SCN8A: variants seen among roughly 807,000 people sequenced by gnomAD.
SCN8A encodes the protein sodium channel protein type 8 subunit alpha.
Under a neutral mutation model 184.1 loss-of-function variants are expected in SCN8A, and 30 were observed. That is an observed-to-expected ratio of 0.16 (90% CI 0.12 to 0.22). SCN8A has a LOEUF of 0.22. Ranked by LOEUF, SCN8A falls within the 10% of genes least tolerant of loss-of-function variation. The probability of loss-of-function intolerance (pLI) is 1.00; values close to 1 mark genes in which losing one functional copy is unlikely to be tolerated. For missense variants in SCN8A, 1,057 were observed against 2,498.9 expected (o/e 0.42, Z 12.30); for synonymous variants, 852 against 907.0 (o/e 0.94, Z 1.09).
rs560068232 is a variant in SCN8A at position 51,769,720 on chromosome 12, G to A, written c.3373-148G>A. On this transcript the variant is annotated intron_variant, in intron 17 of 26. Transcript: ENST00000627620. Reference sequence around the variant, plus strand: ...CTGGACAGAAGTTTTGGGGGCCCGTGGATATGGTTTGCTTATCGCGAGTTG... The same window carrying A: ...CTGGACAGAAGTTTTGGGGGCCCGTAGATATGGTTTGCTTATCGCGAGTTG... 6.0e-5 allele frequency: 39 copies of A among 650,198 alleles called. No individual in the cohort carries two copies. In the South Asian group the frequency reaches 6.9e-4, roughly 11 times the overall value. The allele number at this position is 650,198 out of a possible 1,614,324, so 40.3% of individuals were successfully genotyped here.
chr12:51,592,473 C>T (rs1320591451), intron 1 of SCN8A, among the ~76,000 whole-genome samples: 1 of 152,150 alleles, frequency 6.6e-6, no homozygotes, highest in Non-Finnish European at 1.5e-5. Flanking sequence ...CTCACTTACA[C>T]TGCAGTTTTT....
chr12:51,753,889 G>GA (rs562618734), intron 14 of SCN8A, among the ~76,000 whole-genome samples: 40 of 151,914 alleles, frequency 2.6e-4, no homozygotes, highest in Non-Finnish European at 4.7e-4. Flanking sequence ...TAAGAGGATG[G>GA]AAAAAAAATG....
intron 1 of SCN8A, among the ~76,000 whole-genome samples, chr12:51,592,882 C>T (rs1190860355): frequency 1.3e-5 from 2 of 151,828 alleles, no homozygotes. Flanking sequence ...TCTCAAAATC[C>T]CTCTGCACTT....
intron 11 of SCN8A, among the ~76,000 whole-genome samples, chr12:51,710,468 C>T (rs551972199): frequency 1.3e-5 from 2 of 152,222 alleles, no homozygotes; most frequent in South Asian, 4.1e-4. Context: ...AGTTCAAGAC[C>T]ACCCTGGGCA....
chr12:51,806,499 C>T lies in SCN8A; in HGVS notation c.5013C>T (p.Ser1671=). The T allele has an allele frequency of 1.9e-6, 3 of 1,614,156 alleles. No homozygotes were observed. Among genetic ancestry groups the T allele is most frequent in the Non-Finnish European group, 2.5e-6 (3 of 1,180,034 alleles). Reference sequence around the variant, plus strand: ...TCATCTTCTCCATTTTTGGGATGTCCAATTTTGCATATGTGAAGCACGAGG... The same window carrying T: ...TCATCTTCTCCATTTTTGGGATGTCTAATTTTGCATATGTGAAGCACGAGG... ...VMFIFSIFGM[S]NFAYVKHEAG... The change falls in exon 27 of 27, where the codon TCC becomes TCT. Residue 1671 remains serine, a synonymous_variant. Transcript: ENST00000627620. The surrounding 1 kb of genome is among the most constrained non-coding windows in gnomAD (Gnocchi z 8.7).
intron 16 of SCN8A, among the ~76,000 whole-genome samples, chr12:51,768,374 A>G (rs925317693): frequency 2.0e-5 from 3 of 152,242 alleles, no homozygotes; most frequent in African/African-American, 4.8e-5. Context: ...TTAAAATATG[A>G]TGACATGAAG....
chr12:51,684,673 C>T (rs1941391416), intron 3 of SCN8A, among the ~76,000 whole-genome samples: 1 of 152,104 alleles, frequency 6.6e-6, no homozygotes, highest in Admixed American at 6.6e-5. Flanking sequence ...TCTTGAGTTA[C>T]AAATAGTTGG....
At chr12:51,712,502 G>A in intron 11 of SCN8A, 1 of 770,864 alleles carries the variant, frequency 1.3e-6, no homozygotes, top group Admixed American at 1.7e-5. Context: ...TCCACCACTA[G>A]ATGCATAACC....
At chr12:51,647,310 T>A (rs752698181) in intron 1 of SCN8A, among the ~76,000 whole-genome samples, 1 of 152,352 alleles carries the variant, frequency 6.6e-6, no homozygotes, top group Middle Eastern at 3.4e-3. Flanking sequence ...TATGAACAGA[T>A]CCTTCAAAGG....
chr12:51,639,169 A>G (rs887220072), intron 1 of SCN8A, among the ~76,000 whole-genome samples: 2 of 152,004 alleles, frequency 1.3e-5, no homozygotes, highest in East Asian at 3.9e-4. Flanking sequence ...TTGTAGAGAC[A>G]AGGTTCACCT....
intron 1 of SCN8A, among the ~76,000 whole-genome samples, chr12:51,637,696 A>T (rs1940349544): frequency 6.6e-6 from 1 of 152,228 alleles, no homozygotes; most frequent in Non-Finnish European, 1.5e-5. Flanking sequence ...AGATTTAAGC[A>T]AAGAAGTCAT....
chr12:51,711,857 C>T (rs1338081318), intron 11 of SCN8A, among the ~76,000 whole-genome samples: 4 of 152,188 alleles, frequency 2.6e-5, no homozygotes, highest in East Asian at 1.9e-4. Context: ...ATTCTCTCCA[C>T]GTCAGTACCC....
At chr12:51,605,608 C>T (rs987261416) in intron 1 of SCN8A, among the ~76,000 whole-genome samples, 11 of 152,074 alleles carry the variant, frequency 7.2e-5, no homozygotes, top group African/African-American at 2.7e-4. Flanking sequence ...GGGTGGATAC[C>T]CAGTAGTGGG....
chr12:51,751,396 A>G lies in SCN8A; in HGVS notation c.2173A>G (p.Lys725Glu), dbSNP rs758891438. The G allele has an allele frequency of 6.2e-7, 1 of 1,613,914 alleles. No homozygotes were observed. Among genetic ancestry groups the G allele is most frequent in the South Asian group, 1.1e-5 (1 of 91,068 alleles). ...GAGAAAGTGCCCGCCATGCTGGTAT[A>G]AATTTGCCAACACTTTCCTCATCTG... is the stretch of plus-strand genomic sequence containing the variant. ...SQRKCPPCWY[K>E]FANTFLIWEC... The change falls in exon 14 of 27, where the codon AAA becomes GAA. Residue 725 changes from lysine (K) to glutamate (E), a missense_variant. This residue lies in a region of SCN8A where 322 missense variants were observed against 390.1 expected (regional missense o/e 0.83). Coordinates refer to ENST00000627620, the MANE Select transcript of SCN8A (RefSeq NM_001330260.2).
intron 21 of SCN8A, among the ~76,000 whole-genome samples, chr12:51,781,662 GCA>G (rs767766702): frequency 6.6e-6 from 1 of 151,640 alleles, no homozygotes; most frequent in Non-Finnish European, 1.5e-5. Context: ...GCACGCACGC[GCA>G]CACACACACA....
In SCN8A at chr12:51,806,991, A is replaced by G. The variant is rs1938720271; in HGVS notation, c.5505A>G (p.Pro1835=). 6.2e-7 allele frequency: 1 copy of G among 1,614,024 alleles called. No individual in the cohort carries two copies. Among genetic ancestry groups the G allele is most frequent in the Non-Finnish European group, 8.5e-7 (1 of 1,179,892 alleles). The change falls in exon 27 of 27, where the codon CCA becomes CCG. Residue 1835 remains proline (P), a synonymous_variant. Transcript: ENST00000627620. The surrounding 1 kb of genome is among the most constrained non-coding windows in gnomAD (Gnocchi z 8.7). ...NTIELIAMDL[P]MVSGDRIHCL... ...TTGAGCTCATCGCTATGGATCTGCC[A>G]ATGGTGAGCGGGGATCGCATCCACT...
At chr12:51,652,451 T>C (rs1940736573) in intron 1 of SCN8A, among the ~76,000 whole-genome samples, 1 of 152,162 alleles carries the variant, frequency 6.6e-6, no homozygotes, top group African/African-American at 2.4e-5. Context: ...TTTGATCAAA[T>C]CATTTTCTAC....
chr12:51,644,006 G>C (rs1352694783), intron 1 of SCN8A, among the ~76,000 whole-genome samples: 1 of 152,218 alleles, frequency 6.6e-6, no homozygotes, highest in Non-Finnish European at 1.5e-5. Context: ...TAGCCTGTGT[G>C]TGTGCATTTT....
At chr12:51,601,299 C>T (rs1450775623) in intron 1 of SCN8A, among the ~76,000 whole-genome samples, 2 of 152,088 alleles carry the variant, frequency 1.3e-5, no homozygotes, top group Non-Finnish European at 2.9e-5. Context: ...AGTATTTCTT[C>T]TTCCTTGTCT....
Sources: gnomAD v4.1 joint callset for allele counts (sites outside exome capture counted in the v4.1 genomes callset) on GRCh38, gnomAD v4.1.1 for gene constraint, gnomAD v4.1.1 regional missense constraint, Gnocchi (gnomAD v3.1) non-coding constraint, MANE v1.5 for transcripts, NCBI Gene and HGNC (gene_info 2026-07-23, HGNC 2026-07-21) for gene names.